The following ZNF521 variants were observed in gnomAD, a reference collection of about 807,000 sequenced individuals.
ZNF521 encodes the protein LYST-interacting protein 3.
In ZNF521, 14 loss-of-function variants were observed where a neutral mutation model predicts 105.5. That is an observed-to-expected ratio of 0.13 (90% CI 0.09 to 0.21). The LOEUF (loss-of-function observed/expected upper bound fraction) is 0.21. ZNF521 is among the 10% of genes least tolerant of loss of function. The pLI is 1.00. For missense variants in ZNF521, 1,233 were observed against 1,629.7 expected (o/e 0.76, Z 4.19); for synonymous variants, 635 against 606.0 (o/e 1.05, Z -0.70).
intron 5 of ZNF521, among the ~76,000 whole-genome samples, chr18:25,115,891 A>T (rs921898346): frequency 6.6e-6 from 1 of 152,136 alleles, no homozygotes; most frequent in Non-Finnish European, 1.5e-5. Context: ...AAAGAGCTTG[A>T]CCTCAATTTC....
chr18:25,069,821 T>C (rs2033170658), intron 7 of ZNF521, among the ~76,000 whole-genome samples: 3 of 152,262 alleles, frequency 2.0e-5, no homozygotes, highest in Admixed American at 2.0e-4. Flanking sequence ...AGTTCTACTC[T>C]TTTATTATGA....
At chr18:25,258,651 A>C (rs1411354440) in intron 3 of ZNF521, among the ~76,000 whole-genome samples, 1 of 152,170 alleles carries the variant, frequency 6.6e-6, no homozygotes, top group Admixed American at 6.5e-5. Flanking sequence ...GTGAGAGATG[A>C]GCTTGTTGAC....
At chr18:25,267,127 A>G (rs1469571710) in intron 3 of ZNF521, among the ~76,000 whole-genome samples, 1 of 152,106 alleles carries the variant, frequency 6.6e-6, no homozygotes, top group African/African-American at 2.4e-5. Flanking sequence ...TTGAGTAGGC[A>G]GTTTTACCCT....
chr18:25,117,148 A>G (rs2034345210), intron 5 of ZNF521, among the ~76,000 whole-genome samples: 1 of 151,204 alleles, frequency 6.6e-6, no homozygotes, highest in South Asian at 2.1e-4. Flanking sequence ...GAATTTGGTC[A>G]GGGATTTATG....
intron 5 of ZNF521, among the ~76,000 whole-genome samples, chr18:25,166,117 T>A (rs2035336506): frequency 1.3e-5 from 2 of 152,202 alleles, no homozygotes; most frequent in Admixed American, 1.3e-4. Flanking sequence ...CCTTTATAAA[T>A]ACAGATTTGA....
chr18:25,180,447 A>T lies in ZNF521; in HGVS notation c.3658+14713T>A, dbSNP rs976256793. Among the ~76,000 whole-genome samples the T allele has an allele frequency of 5.3e-5, 8 of 152,272 alleles. No homozygotes were observed. In the South Asian group the frequency reaches 1.7e-3, roughly 32 times the overall value. On this transcript the variant is annotated intron_variant, in intron 5 of 7. Coordinates refer to ENST00000361524, the MANE Select transcript of ZNF521 (RefSeq NM_015461.3). ...CATTTGGATCTCACCACATCAGTGC[A>T]AATAGTGAACTTAAAACATGAAAAT...
intron 3 of ZNF521, among the ~76,000 whole-genome samples, chr18:25,296,719 G>C (rs956946153): frequency 6.6e-6 from 1 of 152,132 alleles, no homozygotes; most frequent in Non-Finnish European, 1.5e-5. Context: ...CATGAAGGAG[G>C]CCTTCCTGGA....
chr18:25,254,358 T>A (rs1204925220), intron 3 of ZNF521, among the ~76,000 whole-genome samples: 1 of 152,128 alleles, frequency 6.6e-6, no homozygotes, highest in Non-Finnish European at 1.5e-5. Context: ...CCAAACTACA[T>A]CAACCAGGTA....
intron 4 of ZNF521, among the ~76,000 whole-genome samples, chr18:25,210,096 GGGGT>G (rs1190235005): frequency 6.6e-6 from 1 of 151,958 alleles, no homozygotes; most frequent in Middle Eastern, 3.2e-3. Context: ...ATACATAATA[GGGGT>G]ATGTGTAGAT....
At chr18:25,120,083 G>A (rs753254467) in intron 5 of ZNF521, among the ~76,000 whole-genome samples, 1 of 152,070 alleles carries the variant, frequency 6.6e-6, no homozygotes, top group Non-Finnish European at 1.5e-5. Flanking sequence ...CAGAAAATCT[G>A]AACAGCCTTT....
chr18:25,178,883 A>T (rs531397520), intron 5 of ZNF521, among the ~76,000 whole-genome samples: 2 of 152,282 alleles, frequency 1.3e-5, no homozygotes, highest in South Asian at 4.1e-4. Context: ...GCACCAGCTG[A>T]AAGTGATGTA....
chr18:25,208,778 T>G (rs1600156179), intron 4 of ZNF521, among the ~76,000 whole-genome samples: 1 of 152,314 alleles, frequency 6.6e-6, no homozygotes, highest in African/African-American at 2.4e-5. Flanking sequence ...TTCATTCATT[T>G]ATTCCCCACA....
chr18:25,146,661 G>A (rs1053949877), intron 5 of ZNF521, among the ~76,000 whole-genome samples: 8 of 151,694 alleles, frequency 5.3e-5, no homozygotes, highest in African/African-American at 1.9e-4. Context: ...ATTTCTTTAG[G>A]GTCTATGAAA....
At chr18:25,104,769 A>G (rs1344249204) in intron 5 of ZNF521, among the ~76,000 whole-genome samples, 1 of 152,212 alleles carries the variant, frequency 6.6e-6, no homozygotes, top group Non-Finnish European at 1.5e-5. Flanking sequence ...AGAATACAGG[A>G]GAAAAGACAG....
chr18:25,256,843 C>T (rs1319317132), intron 3 of ZNF521, among the ~76,000 whole-genome samples: 1 of 151,900 alleles, frequency 6.6e-6, no homozygotes, highest in Non-Finnish European at 1.5e-5. Context: ...TATGGCAGAA[C>T]AAGGTGTAGA....
At chr18:25,071,609 A>G (rs1294922293) in intron 7 of ZNF521, among the ~76,000 whole-genome samples, 3 of 152,172 alleles carry the variant, frequency 2.0e-5, no homozygotes, top group African/African-American at 7.2e-5. Context: ...GCAGAGAAAG[A>G]AAAAATTGGT....
chr18:25,151,242 A>G (rs2035042653), intron 5 of ZNF521, among the ~76,000 whole-genome samples: 1 of 151,574 alleles, frequency 6.6e-6, no homozygotes, highest in South Asian at 2.1e-4. Flanking sequence ...CTTTAGATAC[A>G]CTCTTCCTCT....
chr18:25,153,369 T>C (rs915049940), intron 5 of ZNF521, among the ~76,000 whole-genome samples: 10 of 152,208 alleles, frequency 6.6e-5, no homozygotes, highest in Admixed American at 3.3e-4. Context: ...TGGGGAAGCC[T>C]GTTCTACCCT....
rs151222656 is a variant in ZNF521 at position 25,292,013 on chromosome 18, C to T, written c.220+29995G>A. 2.4e-3 allele frequency among the ~76,000 whole-genome samples: 369 copies of T among 151,818 alleles called. 2 individuals carry two copies. Among genetic ancestry groups the T allele is most frequent in the African/African-American group, 8.3e-3 (344 of 41,394 alleles). On this transcript the variant is annotated intron_variant, in intron 3 of 7. Transcript: ENST00000361524. ...CTGACAGTATCTGGCTCATAATAGGCGCTCAATGAATATTTATTGAAAGAA... is the reference window on the plus strand; with the variant it reads ...CTGACAGTATCTGGCTCATAATAGGTGCTCAATGAATATTTATTGAAAGAA...
Sources: allele counts gnomAD v4.1 joint callset (sites outside exome capture counted in the v4.1 genomes callset), GRCh38; gene constraint gnomAD v4.1.1; transcripts MANE v1.5; gene names NCBI Gene and HGNC (gene_info 2026-07-23, HGNC 2026-07-21).